COL19A1: variants seen among roughly 807,000 people sequenced by gnomAD.
COL19A1 encodes the protein collagen type XIX alpha 1 chain, also known as collagen alpha-1(XIX) chain.
Under a neutral mutation model 190.2 loss-of-function variants are expected in COL19A1, and 159 were observed. The observed-to-expected ratio is 0.84, with a 90% CI of 0.73 to 0.95. The LOEUF (loss-of-function observed/expected upper bound fraction) is 0.95, where lower values mean the gene tolerates loss of function less well. Ranked by LOEUF, COL19A1 falls within the 40% of genes least tolerant of loss-of-function variation. The pLI is 0.00. For synonymous variants in COL19A1, 509 were observed against 458.9 expected, an observed-to-expected ratio of 1.11 and a Z score of -1.39; for missense variants, 1,418 against 1,431.9, an observed-to-expected ratio of 0.99 and a Z score of 0.16.
chr6:70,032,720 A>G (rs932473624), intron 12 of COL19A1, among the ~76,000 whole-genome samples: 12 of 152,164 alleles, frequency 7.9e-5, no homozygotes, highest in Non-Finnish European at 1.5e-4. Flanking sequence ...ACATTTCAAG[A>G]GTTCGAAAGC....
intron 14 of COL19A1, among the ~76,000 whole-genome samples, chr6:70,064,560 A>T (rs1376043905): frequency 1.3e-5 from 2 of 152,196 alleles, no homozygotes; most frequent in African/African-American, 4.8e-5. Flanking sequence ...CAAGACAGGG[A>T]TGCCCTCCTT....
chr6:70,112,459 T>G (rs984551196), intron 16 of COL19A1, among the ~76,000 whole-genome samples: 7 of 152,134 alleles, frequency 4.6e-5, no homozygotes, highest in Admixed American at 6.6e-5. Context: ...AAACATTTTA[T>G]GGATGGATAA....
intron 1 of COL19A1, among the ~76,000 whole-genome samples, chr6:69,872,258 A>G (rs779320029): frequency 6.6e-6 from 1 of 151,904 alleles, no homozygotes; most frequent in Non-Finnish European, 1.5e-5. Flanking sequence ...GACTTTCCCT[A>G]TTTGGCTCAC....
chr6:69,998,442 C>T (rs561174657), intron 11 of COL19A1, among the ~76,000 whole-genome samples: 3 of 151,714 alleles, frequency 2.0e-5, no homozygotes, highest in Non-Finnish European at 4.4e-5. Context: ...ATCAGGAGTT[C>T]GAGACCAGCC....
intron 15 of COL19A1, among the ~76,000 whole-genome samples, chr6:70,091,761 A>G (rs180886469): frequency 7.0e-6 from 1 of 142,792 alleles, no homozygotes; most frequent in Non-Finnish European, 1.5e-5. Flanking sequence ...CTGGCGACTG[A>G]CCAACAATTG....
intron 14 of COL19A1, among the ~76,000 whole-genome samples, chr6:70,041,413 A>T (rs1779627333): frequency 6.6e-6 from 1 of 152,152 alleles, no homozygotes; most frequent in Non-Finnish European, 1.5e-5. Flanking sequence ...TTTCAAACTG[A>T]TAACCATTTT....
chr6:70,182,421 G>A (rs541243109), intron 44 of COL19A1, among the ~76,000 whole-genome samples: 2 of 152,292 alleles, frequency 1.3e-5, no homozygotes, highest in African/African-American at 4.8e-5. Flanking sequence ...AGCACTAGCA[G>A]GTATTCAGGT....
chr6:70,001,364 T>C (rs1393224605), intron 11 of COL19A1, among the ~76,000 whole-genome samples: 1 of 152,210 alleles, frequency 6.6e-6, no homozygotes, highest in Non-Finnish European at 1.5e-5. Flanking sequence ...TATTCTTTGA[T>C]TCCATAAGAA....
chr6:70,163,435 CT>C (rs1562234845), intron 36 of COL19A1, 39 bp downstream of exon 36: 13 of 1,590,282 alleles, frequency 8.2e-6, no homozygotes, highest in Non-Finnish European at 1.0e-5. Flanking sequence ...CAAACTGGGG[CT>C]TGGAGTGGGA....
At chr6:69,977,330 A>G (rs572959893) in intron 11 of COL19A1, among the ~76,000 whole-genome samples, 94 of 147,374 alleles carry the variant, frequency 6.4e-4, no homozygotes, top group African/African-American at 1.9e-3. Flanking sequence ...GCCAAACACC[A>G]TATGTTCTCA....
chr6:69,935,152 A>C (rs1773016348), intron 7 of COL19A1, among the ~76,000 whole-genome samples: 1 of 152,106 alleles, frequency 6.6e-6, no homozygotes, highest in African/African-American at 2.4e-5. Context: ...TATTAAGAGA[A>C]GGATGAAATC....
chr6:70,180,511 C>T lies in COL19A1; in HGVS notation c.2763C>T (p.Pro921=). The T allele has an allele frequency of 1.2e-6, 2 of 1,614,108 alleles. No homozygotes were observed. Among genetic ancestry groups the T allele is most frequent in the Admixed American group, 3.3e-5 (2 of 60,026 alleles). ...TAGGTTTCCCTGGACCAGAAGGACC[C>T]TCAGGAAAGCCAGTAAGTACTTCTT... ...GDIGFPGPEG[P]SGKPGINGKD... The change falls in exon 44 of 51, where the codon CCC becomes CCT. Residue 921 remains proline, a synonymous_variant. Coordinates refer to ENST00000620364, the MANE Select transcript of COL19A1 (RefSeq NM_001858.6).
chr6:69,998,490 A>T (rs897277897), intron 11 of COL19A1, among the ~76,000 whole-genome samples: 4 of 151,782 alleles, frequency 2.6e-5, no homozygotes, highest in East Asian at 1.9e-4. Context: ...TAAAAATTTT[A>T]AAAAAACTAA....
At chr6:69,950,384 T>C (rs923490134) in intron 9 of COL19A1, among the ~76,000 whole-genome samples, 6 of 151,882 alleles carry the variant, frequency 4.0e-5, no homozygotes, top group African/African-American at 1.4e-4. Flanking sequence ...ACATTCTTAA[T>C]CTAATATTAG....
chr6:69,974,208 TTTGTC>T (rs1477873520), intron 11 of COL19A1: 1 of 152,220 alleles, frequency 6.6e-6, no homozygotes, highest in African/African-American at 2.4e-5. Flanking sequence ...ATCAATTTGC[TTTGTC>T]TTTTTTCACT....
At chr6:70,118,878 C>T (rs1341971609) in intron 16 of COL19A1, among the ~76,000 whole-genome samples, 2 of 152,116 alleles carry the variant, frequency 1.3e-5, no homozygotes, top group African/African-American at 4.8e-5. Flanking sequence ...TCTCCCACCC[C>T]ACCCCCAGTG....
At chr6:69,877,706 T>A (rs939310884) in intron 1 of COL19A1, among the ~76,000 whole-genome samples, 1 of 151,926 alleles carries the variant, frequency 6.6e-6, no homozygotes, top group African/African-American at 2.4e-5. Flanking sequence ...CATAGGCAAC[T>A]TAAACAACTG....
chr6:69,957,361 G>A (rs1012964896), intron 9 of COL19A1, among the ~76,000 whole-genome samples: 3 of 152,054 alleles, frequency 2.0e-5, no homozygotes, highest in African/African-American at 7.2e-5. Context: ...TTGAATTTTG[G>A]AAAGGGTACT....
At chr6:70,105,464 C>G (rs1308853303) in intron 16 of COL19A1, among the ~76,000 whole-genome samples, 2 of 152,184 alleles carry the variant, frequency 1.3e-5, no homozygotes, top group African/African-American at 2.4e-5. Context: ...CCAGTATTCA[C>G]TATTTTTAAA....
Sources: gnomAD v4.1 joint callset for allele counts (sites outside exome capture counted in the v4.1 genomes callset) on GRCh38, gnomAD v4.1.1 for gene constraint, MANE v1.5 for transcripts, NCBI Gene and HGNC (gene_info 2026-07-23, HGNC 2026-07-21) for gene names.